The following VWA8 variants were observed in gnomAD, a reference collection of about 807,000 sequenced individuals.
VWA8 encodes the protein von Willebrand factor A domain containing 8.
In VWA8, 221 loss-of-function variants were observed where a neutral mutation model predicts 241.5. The observed-to-expected ratio is 0.91, with a 90% CI of 0.82 to 1.02. VWA8 has a LOEUF of 1.02. Ranked by LOEUF, VWA8 falls within the 50% of genes least tolerant of loss-of-function variation. The pLI is 0.00. For synonymous variants in VWA8, 852 were observed against 827.1 expected (o/e 1.03, Z -0.52); for missense variants, 2,322 against 2,328.7 (o/e 1.00, Z 0.06).
At chr13:41,931,113 C>T (rs538399143) in intron 2 of VWA8, among the ~76,000 whole-genome samples, 1 of 147,972 alleles carries the variant, frequency 6.8e-6, no homozygotes, top group East Asian at 2.0e-4. Flanking sequence ...TGCGCCACTG[C>T]ACTCCAGCCT....
rs144863890 is a variant in VWA8 at position 41,573,168 on chromosome 13, C to T, written c.5371-2462G>A. Among the ~76,000 whole-genome samples, 131 of 149,716 alleles carry T rather than the reference C, an allele frequency of 8.7e-4. 2 individuals are homozygous for T. In the East Asian group the frequency reaches 0.022, roughly 25 times the overall value. On this transcript the variant is annotated intron_variant, in intron 43 of 44. Transcript: ENST00000379310. ...CGGTGGCTGACGCCTGTAGACCCAG[C>T]ACTTTGAGGTGGGCAGATCACCTGA...
At chr13:41,604,025 A>T (rs12873060) in intron 40 of VWA8, among the ~76,000 whole-genome samples, 2 of 152,128 alleles carry the variant, frequency 1.3e-5, no homozygotes, top group African/African-American at 4.8e-5. Flanking sequence ...TCGAGAACTT[A>T]AGAAGTGAGT....
At chr13:41,806,142 T>A (rs2137967564) in intron 17 of VWA8, among the ~76,000 whole-genome samples, 1 of 151,448 alleles carries the variant, frequency 6.6e-6, no homozygotes, top group East Asian at 1.9e-4. Flanking sequence ...GACCAGTGAG[T>A]CAATGAAGAA....
intron 9 of VWA8, among the ~76,000 whole-genome samples, chr13:41,879,945 A>C (rs1438925902): frequency 6.6e-6 from 1 of 152,166 alleles, no homozygotes; most frequent in Non-Finnish European, 1.5e-5. Context: ...AAAAACAAAA[A>C]CCATCTTTCA....
chr13:41,685,423 A>G (rs1258952984), intron 34 of VWA8, among the ~76,000 whole-genome samples, 181 bp from the exon 35 acceptor site: 1 of 152,166 alleles, frequency 6.6e-6, no homozygotes, highest in Non-Finnish European at 1.5e-5. Context: ...TGGGAGGCCA[A>G]GGTTGGTGGA....
intron 20 of VWA8, among the ~76,000 whole-genome samples, chr13:41,764,187 A>C (rs2045762862): frequency 6.6e-6 from 1 of 152,194 alleles, no homozygotes; most frequent in Non-Finnish European, 1.5e-5. Context: ...GAATGCTAGA[A>C]GATTTTTGAT....
intron 26 of VWA8, among the ~76,000 whole-genome samples, chr13:41,714,207 G>T (rs1471873775): frequency 2.0e-5 from 3 of 151,040 alleles, no homozygotes; most frequent in Admixed American, 6.6e-5. Flanking sequence ...AATTTCCTTA[G>T]TTTTTTTTTC....
chr13:41,749,122 T>A (rs2045633617), intron 21 of VWA8, among the ~76,000 whole-genome samples: 1 of 152,124 alleles, frequency 6.6e-6, no homozygotes, highest in African/African-American at 2.4e-5. Flanking sequence ...GACAAAGGGC[T>A]AATATCCAGA....
chr13:41,723,300 G>C (rs2045407212), intron 24 of VWA8, among the ~76,000 whole-genome samples: 1 of 152,140 alleles, frequency 6.6e-6, no homozygotes, highest in Non-Finnish European at 1.5e-5. Flanking sequence ...GGGGCTTGAG[G>C]AACCAACACA....
At chr13:41,792,741 C>T (rs1258626207) in intron 17 of VWA8, among the ~76,000 whole-genome samples, 1 of 151,850 alleles carries the variant, frequency 6.6e-6, no homozygotes, top group Admixed American at 6.6e-5. Context: ...TCTTTTATAA[C>T]TTTGAATAAA....
chr13:41,820,729 A>G (rs1399464489), intron 14 of VWA8, among the ~76,000 whole-genome samples: 1 of 152,226 alleles, frequency 6.6e-6, no homozygotes, highest in Non-Finnish European at 1.5e-5. Flanking sequence ...GGATAGCACA[A>G]TTACTTAAGA....
intron 9 of VWA8, among the ~76,000 whole-genome samples, chr13:41,874,440 T>G (rs560904890): frequency 4.6e-5 from 7 of 151,882 alleles, no homozygotes; most frequent in African/African-American, 1.7e-4. Flanking sequence ...AAAACCCCAT[T>G]GTCTCAGCCC....
chr13:41,904,534 C>T (rs1875610522), intron 4 of VWA8, among the ~76,000 whole-genome samples: 1 of 152,060 alleles, frequency 6.6e-6, no homozygotes, highest in Admixed American at 6.6e-5. Flanking sequence ...TTTTTTAAAA[C>T]CTTGTCAATT....
intron 2 of VWA8, among the ~76,000 whole-genome samples, chr13:41,945,492 C>T (rs1877809260): frequency 6.6e-6 from 1 of 152,050 alleles, no homozygotes; most frequent in South Asian, 2.1e-4. Flanking sequence ...AAATCAGCTA[C>T]CACAAATACA....
chr13:41,949,607 C>T (rs1466881306), intron 2 of VWA8, among the ~76,000 whole-genome samples: 1 of 151,406 alleles, frequency 6.6e-6, no homozygotes, highest in Non-Finnish European at 1.5e-5. Flanking sequence ...ACATGTGTCC[C>T]AGGGCTTAAA....
intron 18 of VWA8, among the ~76,000 whole-genome samples, chr13:41,785,599 T>C (rs1266605352): frequency 6.6e-6 from 1 of 152,140 alleles, no homozygotes; most frequent in Non-Finnish European, 1.5e-5. Context: ...CTAAAAATAA[T>C]TGTCATCCTG....
In VWA8 at chr13:41,868,221, T is replaced by C. The variant is rs902229177; in HGVS notation, c.1212+125A>G. Reference sequence around the variant, plus strand: ...ACATGACTCTGGAGACATAGACATATAGATACCGACAGAAGCAGTACTATC... The same window carrying C: ...ACATGACTCTGGAGACATAGACATACAGATACCGACAGAAGCAGTACTATC... On this transcript the variant is annotated intron_variant, in intron 10 of 44. Coordinates refer to ENST00000379310, the MANE Select transcript of VWA8 (RefSeq NM_015058.2). The C allele has an allele frequency of 1.4e-5, 15 of 1,083,860 alleles. No homozygotes were observed. In the African/African-American group the frequency reaches 1.5e-4, roughly 10 times the overall value. 67.1% of individuals were successfully genotyped at this position (1,083,860 alleles called of 1,614,324 possible). A position where few individuals can be genotyped will look rare whatever the true frequency, so the allele number is the denominator to read the frequency against.
chr13:41,686,367 C>G (rs2045136314), intron 34 of VWA8, among the ~76,000 whole-genome samples: 1 of 152,026 alleles, frequency 6.6e-6, no homozygotes, highest in South Asian at 2.1e-4. Context: ...TTTAGCCATT[C>G]TAACGGGTAG....
intron 21 of VWA8, among the ~76,000 whole-genome samples, chr13:41,758,406 A>AG (rs1566444735): frequency 2.4e-5 from 2 of 84,926 alleles, no homozygotes; most frequent in African/African-American, 8.4e-5. Context: ...TAGTATATAT[A>AG]TATATATATA....
Sources: allele counts gnomAD v4.1 joint callset (sites outside exome capture counted in the v4.1 genomes callset), GRCh38; gene constraint gnomAD v4.1.1; transcripts MANE v1.5; gene names NCBI Gene and HGNC (gene_info 2026-07-23, HGNC 2026-07-21).